The following DGLUCY variants were observed in gnomAD, a reference collection of about 807,000 sequenced individuals.
DGLUCY encodes D-glutamate cyclase.
DGLUCY carries 58 observed loss-of-function variants against 58.5 expected under a neutral mutation model. That is an observed-to-expected ratio of 0.99 (90% CI 0.80 to 1.23). The LOEUF (loss-of-function observed/expected upper bound fraction) is 1.23. Among genes scored for constraint, DGLUCY ranks in the 50% most tolerant of loss-of-function variants. DGLUCY has a pLI of 0.00. For synonymous variants in DGLUCY, 325 were observed against 314.1 expected, an observed-to-expected ratio of 1.03 and a Z score of -0.37; for missense variants, 779 against 784.7, an observed-to-expected ratio of 0.99 and a Z score of 0.09.
Position 91,182,485 on chromosome 14 carries a change from G to A in DGLUCY, c.934+1096G>A, listed in dbSNP as rs1055793220. Among the ~76,000 whole-genome samples, 7 of 151,662 alleles carry A rather than the reference G, an allele frequency of 4.6e-5. No individual in the cohort carries two copies. The East Asian group carries it at 5.8e-4, about 13-fold the overall frequency. ...ATTATTATTATTTAGAGATGGGGGC[G>A]TGGTGTCTCACTATGTTGCCCAGGT... On this transcript the variant is annotated intron_variant, in intron 8 of 13. Coordinates refer to ENST00000256324, the MANE Select transcript of DGLUCY (RefSeq NM_001102368.3).
At chr14:91,205,803 C>CGT (rs1884538816) in intron 12 of DGLUCY, among the ~76,000 whole-genome samples, 1 of 80,490 alleles carries the variant, frequency 1.2e-5, no homozygotes, top group Non-Finnish European at 2.4e-5. Context: ...TTCTCCGTCT[C>CGT]CTTCTCCTCC....
intron 1 of DGLUCY, among the ~76,000 whole-genome samples, chr14:91,068,051 T>G: frequency 6.8e-6 from 1 of 146,850 alleles, no homozygotes. Context: ...GGGAATGTAC[T>G]GGCGCGTGCA....
chr14:91,172,648 CT>C (rs1215810602), intron 5 of DGLUCY, among the ~76,000 whole-genome samples: 131 of 145,608 alleles, frequency 9.0e-4, no homozygotes, highest in African/African-American at 1.5e-3. Context: ...CACATTTTTC[CT>C]TTTTTTTTTT....
chr14:91,218,757 C>T (rs936059575), intron 13 of DGLUCY, among the ~76,000 whole-genome samples: 1 of 152,150 alleles, frequency 6.6e-6, no homozygotes, highest in Non-Finnish European at 1.5e-5. Flanking sequence ...TTGAGCCCCG[C>T]CCCTGGGCCA....
At chr14:91,087,361 A>G (rs953970456) in intron 1 of DGLUCY, among the ~76,000 whole-genome samples, 2 of 152,212 alleles carry the variant, frequency 1.3e-5, no homozygotes, top group African/African-American at 4.8e-5. Context: ...TTCCTCTTCA[A>G]AGACTTTCCT....
intron 4 of DGLUCY, among the ~76,000 whole-genome samples, chr14:91,169,452 G>A (rs1054926196): frequency 1.1e-4 from 16 of 151,454 alleles, no homozygotes; most frequent in Admixed American, 1.1e-3. Context: ...TGTTGCCCAG[G>A]CTGGAGTAGT....
At chr14:91,069,867 C>G (rs1271848319) in intron 1 of DGLUCY, among the ~76,000 whole-genome samples, 1 of 147,508 alleles carries the variant, frequency 6.8e-6, no homozygotes, top group Non-Finnish European at 1.5e-5. Flanking sequence ...TGCAACCTCC[C>G]CCTCCAGGGT....
chr14:91,067,324 G>T (rs1227270619), intron 1 of DGLUCY, among the ~76,000 whole-genome samples: 1 of 152,080 alleles, frequency 6.6e-6, no homozygotes, highest in East Asian at 1.9e-4. Flanking sequence ...TAAGCAAGGG[G>T]GGAGAGGGCC....
chr14:91,202,058 A>AAATAATAATAAT (rs10523866), intron 11 of DGLUCY, among the ~76,000 whole-genome samples: 11,851 of 142,490 alleles, frequency 0.083, 588 homozygotes, highest in South Asian at 0.15. Context: ...TCTGTCTCAA[A>AAATAATAATAAT]AATAATAATA....
At chr14:91,192,580 T>C (rs1477341279) in intron 9 of DGLUCY, among the ~76,000 whole-genome samples, 1 of 151,788 alleles carries the variant, frequency 6.6e-6, no homozygotes, top group Non-Finnish European at 1.5e-5. Context: ...GACCAGCCTG[T>C]CCAAAACCCC....
At chr14:91,147,584 T>G (rs1595758604) in intron 1 of DGLUCY, among the ~76,000 whole-genome samples, 1 of 152,246 alleles carries the variant, frequency 6.6e-6, no homozygotes. Context: ...TTAGCTCATT[T>G]TTATTTAGAT....
chr14:91,166,904 A>G (rs963082085), intron 3 of DGLUCY, among the ~76,000 whole-genome samples: 14 of 152,180 alleles, frequency 9.2e-5, no homozygotes, highest in Admixed American at 5.2e-4. Flanking sequence ...GTTCAAGACC[A>G]GCCTGTCCAA....
chr14:91,111,799 G>A (rs536486173), upstream of DGLUCY, among the ~76,000 whole-genome samples: 1 of 152,278 alleles, frequency 6.6e-6, no homozygotes, highest in South Asian at 2.1e-4. Context: ...CAGCCTTCAA[G>A]TTTCATCCAT....
chr14:91,175,852 G>C (rs1178902169), intron 6 of DGLUCY, 82 bp from the exon 7 acceptor site: 3 of 1,497,556 alleles, frequency 2.0e-6, no homozygotes, highest in South Asian at 2.3e-5. Context: ...TTCTGTTTTA[G>C]AGAAAGAACC....
chr14:91,190,200 G>A (rs1011238065), intron 9 of DGLUCY, among the ~76,000 whole-genome samples: 5 of 151,642 alleles, frequency 3.3e-5, no homozygotes, highest in African/African-American at 7.3e-5. Flanking sequence ...TGTTAGCCAG[G>A]ATGGTCTCGA....
At chr14:91,102,423 A>G (rs1259394320) in intron 1 of DGLUCY, among the ~76,000 whole-genome samples, 1 of 152,152 alleles carries the variant, frequency 6.6e-6, no homozygotes, top group Admixed American at 6.6e-5. Context: ...CATAATGTCT[A>G]GAATTTTCCA....
chr14:91,217,896 C>T (rs1886829558), intron 13 of DGLUCY, among the ~76,000 whole-genome samples: 1 of 152,176 alleles, frequency 6.6e-6, no homozygotes, highest in Non-Finnish European at 1.5e-5. Context: ...CTGCCCCTGG[C>T]CTCTGTTTCT....
At chr14:91,138,265 G>A (rs2046452157) in intron 1 of DGLUCY, among the ~76,000 whole-genome samples, 2 of 152,178 alleles carry the variant, frequency 1.3e-5, no homozygotes. Context: ...GTGAAGGTGG[G>A]TGGATCACCT....
intron 2 of DGLUCY, 85 bp from the exon 3 acceptor site, chr14:91,160,181 T>C: frequency 6.0e-6 from 5 of 831,542 alleles, no homozygotes; most frequent in Non-Finnish European, 6.3e-6. Context: ...GGATGTGATG[T>C]GGTATGTGAA....
Sources: allele counts gnomAD v4.1 joint callset (sites outside exome capture counted in the v4.1 genomes callset), GRCh38; gene constraint gnomAD v4.1.1; transcripts MANE v1.5; gene names NCBI Gene and HGNC (gene_info 2026-07-23, HGNC 2026-07-21).